The following CCSER2 variants were observed in gnomAD, a reference collection of about 807,000 sequenced individuals.
CCSER2 encodes coiled-coil serine rich protein 2.
Under a neutral mutation model 92.3 loss-of-function variants are expected in CCSER2, and 46 were observed. The observed-to-expected ratio is 0.50, with a 90% CI of 0.39 to 0.64. The LOEUF is 0.64. CCSER2 is among the 30% of genes least tolerant of loss of function. The pLI, the probability that CCSER2 is intolerant of heterozygous loss-of-function variation, is 0.00. For missense variants in CCSER2, 1,244 were observed against 1,238.9 expected (o/e 1.00, Z -0.06); for synonymous variants, 433 against 431.4 (o/e 1.00, Z -0.04).
At chr10:84,498,131 A>G (rs1446487125) in intron 9 of CCSER2, among the ~76,000 whole-genome samples, 1 of 152,238 alleles carries the variant, frequency 6.6e-6, no homozygotes, top group Non-Finnish European at 1.5e-5. Context: ...TTTCTTAAAC[A>G]TGTCTATGAA....
chr10:84,422,633 GGATACCT>G (rs1843207235), intron 4 of CCSER2, among the ~76,000 whole-genome samples: 1 of 152,092 alleles, frequency 6.6e-6, no homozygotes, highest in South Asian at 2.1e-4. Context: ...TTTTGAACTG[GGATACCT>G]TGAAGTTCAC....
chr10:84,419,368 AT>A (rs1443483349), intron 4 of CCSER2, among the ~76,000 whole-genome samples: 3 of 151,570 alleles, frequency 2.0e-5, no homozygotes, highest in South Asian at 4.1e-4. Flanking sequence ...AAAAAAAAAA[AT>A]AAAATAAAGA....
chr10:84,445,431 G>A (rs1274433545), intron 6 of CCSER2, among the ~76,000 whole-genome samples: 2 of 152,216 alleles, frequency 1.3e-5, no homozygotes, highest in African/African-American at 4.8e-5. Flanking sequence ...GGGATTACAG[G>A]CGTGAGCCAC....
At chr10:84,509,843 C>T (rs896097779) in intron 9 of CCSER2, among the ~76,000 whole-genome samples, 2 of 152,170 alleles carry the variant, frequency 1.3e-5, no homozygotes, top group Non-Finnish European at 2.9e-5. Context: ...TAGCGGAAAG[C>T]CTTCCCAAAG....
intron 6 of CCSER2, among the ~76,000 whole-genome samples, chr10:84,463,407 A>G (rs1293980731): frequency 6.6e-6 from 1 of 152,158 alleles, no homozygotes; most frequent in East Asian, 1.9e-4. Flanking sequence ...CTGATTTCTA[A>G]CACCATAGAT....
chr10:84,395,687 C>A (rs1032916466), intron 3 of CCSER2, among the ~76,000 whole-genome samples: 69 of 152,256 alleles, frequency 4.5e-4, no homozygotes, highest in African/African-American at 1.5e-3. Context: ...GTCTGTGGAA[C>A]CTCTTTCTAC....
intron 5 of CCSER2, among the ~76,000 whole-genome samples, chr10:84,429,388 T>C (rs1411213603): frequency 6.6e-6 from 1 of 152,178 alleles, no homozygotes; most frequent in Non-Finnish European, 1.5e-5. Flanking sequence ...CCAACTTCAC[T>C]ATATATTGTA....
intron 9 of CCSER2, among the ~76,000 whole-genome samples, chr10:84,482,454 G>A (rs536852350): frequency 3.2e-4 from 49 of 152,182 alleles, no homozygotes; most frequent in Non-Finnish European, 6.6e-4. Flanking sequence ...TAAGCATAGT[G>A]TACAGATCCA....
intron 9 of CCSER2, chr10:84,500,009 T>G: frequency 6.2e-7 from 1 of 1,613,006 alleles, no homozygotes; most frequent in Non-Finnish European, 8.5e-7. Flanking sequence ...CCCTTCATGG[T>G]ATTTCCCTTC....
At chr10:84,455,944 C>A in intron 6 of CCSER2, 2 of 662,990 alleles carry the variant, frequency 3.0e-6, no homozygotes, top group South Asian at 2.8e-5. Context: ...GGATTTCTGT[C>A]TCAATTTTGG....
rs1847225261 is a variant in CCSER2 at position 84,477,582 on chromosome 10, A to G, written c.2243A>G (p.Gln748Arg). The G allele has an allele frequency of 6.2e-7, 1 of 1,607,010 alleles. No individual in the cohort carries two copies. The highest frequency in any genetic ancestry group is 8.5e-7 in the Non-Finnish European group (1 of 1,174,252). Residue 748 changes from glutamine to arginine, a missense_variant, in exon 9 of 10, where the codon CAG becomes CGG. Transcript: ENST00000372088. ...IQLLELQLATQHICHQKCKEE... is the reference protein window; with the variant it reads ...IQLLELQLATRHICHQKCKEE... The stretch of plus-strand genomic sequence containing the variant: ...TTTTGTGTTTTTGTTTAGGCAACTC[A>G]GCATATCTGCCACCAAAAATGTAAA...
At chr10:84,329,471 A>G (rs1564569538) in intron 1 of CCSER2, among the ~76,000 whole-genome samples, 1 of 152,220 alleles carries the variant, frequency 6.6e-6, no homozygotes, top group East Asian at 1.9e-4. Context: ...CTCCCAGACA[A>G]GGCCTTAGCG....
chr10:84,454,077 G>A (rs1404259985), intron 6 of CCSER2, among the ~76,000 whole-genome samples: 4 of 152,116 alleles, frequency 2.6e-5, no homozygotes, highest in Non-Finnish European at 5.9e-5. Context: ...TAGTTCTGGA[G>A]GCTAGAAATC....
chr10:84,361,920 G>GT (rs2133119924), intron 1 of CCSER2, among the ~76,000 whole-genome samples: 1 of 152,270 alleles, frequency 6.6e-6, no homozygotes, highest in African/African-American at 2.4e-5. Context: ...GATTACAGGC[G>GT]TGAGCCACCG....
chr10:84,342,772 C>A (rs1025003929), intron 1 of CCSER2, among the ~76,000 whole-genome samples: 4 of 152,186 alleles, frequency 2.6e-5, no homozygotes, highest in African/African-American at 9.7e-5. Context: ...CTGTATCTAT[C>A]TGTTGACATA....
intron 4 of CCSER2, among the ~76,000 whole-genome samples, chr10:84,420,316 A>G (rs1214603425): frequency 6.6e-6 from 1 of 152,236 alleles, no homozygotes; most frequent in Admixed American, 6.5e-5. Flanking sequence ...TTTTTCTAGA[A>G]GAAGGCAAAC....
chr10:84,455,398 C>T (rs1845556909), intron 6 of CCSER2, among the ~76,000 whole-genome samples: 1 of 151,668 alleles, frequency 6.6e-6, no homozygotes, highest in African/African-American at 2.4e-5. Context: ...GCCTCAGCCT[C>T]CCTAGTAGCT....
At chr10:84,329,236 GA>G (rs1843425939) in intron 1 of CCSER2, among the ~76,000 whole-genome samples, 1 of 152,204 alleles carries the variant, frequency 6.6e-6, no homozygotes, top group Non-Finnish European at 1.5e-5. Flanking sequence ...AACACATCCT[GA>G]GGTGAAACTT....
At chr10:84,491,785 T>C (rs2350732) in intron 9 of CCSER2, among the ~76,000 whole-genome samples, 86,510 of 152,006 alleles carry the variant, frequency 0.57, 27,191 homozygotes, top group East Asian at 0.74. Context: ...GAGATGAAAC[T>C]GGTACCTCAG....
Sources: allele counts gnomAD v4.1 joint callset (sites outside exome capture counted in the v4.1 genomes callset), GRCh38; gene constraint gnomAD v4.1.1; transcripts MANE v1.5; gene names NCBI Gene and HGNC (gene_info 2026-07-23, HGNC 2026-07-21).